LRP1B: variants seen among roughly 807,000 people sequenced by gnomAD.
LRP1B encodes the protein LDL receptor related protein 1B, also known as low-density lipoprotein receptor-related protein 1B.
In LRP1B, 217 loss-of-function variants were observed where a neutral mutation model predicts 556.6. That is an observed-to-expected ratio of 0.39 (90% CI 0.35 to 0.44). The LOEUF (loss-of-function observed/expected upper bound fraction) is 0.44. LRP1B is among the 20% of genes least tolerant of loss of function. The probability of loss-of-function intolerance (pLI) is 1.00; values close to 1 mark genes in which losing one functional copy is unlikely to be tolerated. For missense variants in LRP1B, 5,053 were observed against 5,620.8 expected, an observed-to-expected ratio of 0.90 and a Z score of 3.23; for synonymous variants, 2,047 against 1,865.8, an observed-to-expected ratio of 1.10 and a Z score of -2.50.
chr2:141,718,602 C>T (rs1692705834), intron 2 of LRP1B, among the ~76,000 whole-genome samples: 1 of 152,102 alleles, frequency 6.6e-6, no homozygotes, highest in African/African-American at 2.4e-5. Flanking sequence ...ACATCTGTAT[C>T]AACAGTATGA....
chr2:140,458,745 T>C (rs1377544724), intron 60 of LRP1B, among the ~76,000 whole-genome samples: 1 of 152,108 alleles, frequency 6.6e-6, no homozygotes, highest in East Asian at 1.9e-4. Context: ...TACAATTTAC[T>C]ATTTATAGGA....
At chr2:141,093,719 AAAC>A (rs995455569) in intron 7 of LRP1B, among the ~76,000 whole-genome samples, 7 of 152,028 alleles carry the variant, frequency 4.6e-5, no homozygotes, top group East Asian at 1.9e-4. Flanking sequence ...CTGAAAAAAA[AAAC>A]AACAATTTTT....
intron 3 of LRP1B, among the ~76,000 whole-genome samples, chr2:141,414,727 T>C (rs191061554): frequency 1.3e-5 from 2 of 152,364 alleles, no homozygotes; most frequent in Admixed American, 6.5e-5. Flanking sequence ...ATCCTGTTTC[T>C]GATTCTTAAT....
At chr2:141,993,362 G>A (rs1702397163) in intron 1 of LRP1B, among the ~76,000 whole-genome samples, 2 of 152,070 alleles carry the variant, frequency 1.3e-5, no homozygotes, top group Admixed American at 6.6e-5. Flanking sequence ...ACCTCACTGA[G>A]GCCTATCACC....
rs138001656 is a variant in LRP1B at position 140,331,979 on chromosome 2, G to C, written c.12223+2474C>G. Among the ~76,000 whole-genome samples, 284 of 152,044 alleles carry C rather than the reference G, an allele frequency of 1.9e-3. 1 individual carries two copies. Among genetic ancestry groups the C allele is most frequent in the African/African-American group, 6.5e-3 (269 of 41,534 alleles). On this transcript the variant is annotated intron_variant, in intron 79 of 90. Transcript: ENST00000389484. Reference sequence around the variant, plus strand: ...CCCAAATTGCTGGGATTACAGACATGAGCCACCACACCCAGCCAATCTTTT... The same window carrying C: ...CCCAAATTGCTGGGATTACAGACATCAGCCACCACACCCAGCCAATCTTTT...
rs537264214 is a variant in LRP1B, at chr2:140,425,650, C to A, written c.10414+16854G>T. ...GGTCTTGAACTCCTGACCTGGTGATCCTGCCTCAGCATCCCAAAGTGCTGG... is the reference window on the plus strand; with the variant it reads ...GGTCTTGAACTCCTGACCTGGTGATACTGCCTCAGCATCCCAAAGTGCTGG... On this transcript the variant is annotated intron_variant, in intron 66 of 90. Transcript: ENST00000389484. 5.3e-5 allele frequency among the ~76,000 whole-genome samples: 8 copies of A among 152,248 alleles called. 3 individuals are homozygous for A. The highest frequency in any genetic ancestry group is 1.9e-4 in the African/African-American group (8 of 41,564).
chr2:141,232,042 T>G (rs1420907416), intron 5 of LRP1B, among the ~76,000 whole-genome samples: 1 of 152,190 alleles, frequency 6.6e-6, no homozygotes, highest in Non-Finnish European at 1.5e-5. Context: ...GTGAATCATC[T>G]CTGCTTAACA....
At chr2:140,571,538 G>T (rs1220046344) in intron 43 of LRP1B, among the ~76,000 whole-genome samples, 1 of 151,752 alleles carries the variant, frequency 6.6e-6, no homozygotes, top group African/African-American at 2.4e-5. Flanking sequence ...GACATCCCAT[G>T]TCTATGGTTT....
chr2:140,302,413 C>T (rs1010295524), intron 83 of LRP1B, among the ~76,000 whole-genome samples: 3 of 152,198 alleles, frequency 2.0e-5, no homozygotes, highest in African/African-American at 4.8e-5. Flanking sequence ...CATACTTTCA[C>T]TAGACTATAG....
chr2:140,294,870 T>C (rs1418138142), intron 84 of LRP1B, among the ~76,000 whole-genome samples: 1 of 151,964 alleles, frequency 6.6e-6, no homozygotes, highest in African/African-American at 2.4e-5. Flanking sequence ...GGATAATTAG[T>C]GTTATTTATT....
At chr2:141,404,358 G>A (rs1690551256) in intron 3 of LRP1B, among the ~76,000 whole-genome samples, 1 of 151,974 alleles carries the variant, frequency 6.6e-6, no homozygotes, top group Admixed American at 6.6e-5. Flanking sequence ...ATACTTCAAG[G>A]TATTTTACAG....
At chr2:141,524,139 C>A (rs1372573430) in intron 2 of LRP1B, among the ~76,000 whole-genome samples, 2 of 151,982 alleles carry the variant, frequency 1.3e-5, no homozygotes, top group Non-Finnish European at 2.9e-5. Flanking sequence ...CTATACTGTA[C>A]CTGAATCAAG....
At position 140,903,180 on chromosome 2, in the gene LRP1B, G is replaced by A. The variant is rs202210981; in HGVS notation, c.3521-15C>T. 125 of 1,610,936 alleles carry A rather than the reference G, an allele frequency of 7.8e-5. 2 individuals are homozygous for A. The highest frequency in any genetic ancestry group is 3.2e-4 in the South Asian group (29 of 90,848). ...CGAACACTCATCTATAAAAAGGGGG[G>A]AACAGATTATAGGTCTTATCAATTG... On this transcript the variant is annotated splice_polypyrimidine_tract_variant and intron_variant, in intron 22 of 90. Coordinates refer to ENST00000389484, the MANE Select transcript of LRP1B (RefSeq NM_018557.3).
At chr2:140,972,687 T>G (rs1236671053) in intron 18 of LRP1B, among the ~76,000 whole-genome samples, 1 of 145,332 alleles carries the variant, frequency 6.9e-6, no homozygotes, top group Non-Finnish European at 1.5e-5. Context: ...TTATGTAAGT[T>G]TCTGACAATT....
At chr2:141,299,814 G>A (rs922558745) in intron 3 of LRP1B, among the ~76,000 whole-genome samples, 9 of 152,194 alleles carry the variant, frequency 5.9e-5, no homozygotes, top group Admixed American at 2.6e-4. Flanking sequence ...GAATCAGAAT[G>A]TTTAATTGAT....
chr2:141,988,069 TA>T (rs1702249018), intron 1 of LRP1B, among the ~76,000 whole-genome samples: 1 of 151,864 alleles, frequency 6.6e-6, no homozygotes, highest in Non-Finnish European at 1.5e-5. Flanking sequence ...TGCTTAAGGG[TA>T]TAGAATCAAT....
At chr2:141,431,269 T>C (rs1680554802) in intron 3 of LRP1B, among the ~76,000 whole-genome samples, 1 of 151,988 alleles carries the variant, frequency 6.6e-6, no homozygotes, top group Non-Finnish European at 1.5e-5. Context: ...GGAGGCAGAA[T>C]AGATGTGATG....
At chr2:141,540,327 C>T (rs192100237) in intron 2 of LRP1B, among the ~76,000 whole-genome samples, 251 of 151,990 alleles carry the variant, frequency 1.7e-3, no homozygotes, top group African/African-American at 5.3e-3. Flanking sequence ...ACATCACACC[C>T]TCATATTGAC....
rs781709655 is a variant in LRP1B, at chr2:141,597,142, G to C, written c.206-116609C>G. Among the ~76,000 whole-genome samples the C allele has an allele frequency of 1.2e-3, 189 of 151,786 alleles. 4 individuals carry two copies. Among genetic ancestry groups the C allele is most frequent in the Non-Finnish European group, 2.5e-4 (17 of 67,876 alleles). The stretch of plus-strand genomic sequence containing the variant: ...CTGTAGAAACTTTAGTTGACCCAAA[G>C]TGATTCTGACACAGACTTTTTCCTA... On this transcript the variant is annotated intron_variant, in intron 2 of 90. Transcript: ENST00000389484.
Sources: allele counts gnomAD v4.1 joint callset (sites outside exome capture counted in the v4.1 genomes callset), GRCh38; gene constraint gnomAD v4.1.1; transcripts MANE v1.5; gene names NCBI Gene and HGNC (gene_info 2026-07-23, HGNC 2026-07-21).